Variants in TMEM108 observed in about 807,000 individuals in gnomAD.
TMEM108 encodes the protein transmembrane protein 108, also known as cancer/testis antigen 124.
TMEM108 carries 12 observed loss-of-function variants against 35.1 expected under a neutral mutation model. The observed-to-expected ratio is 0.34, with a 90% CI of 0.22 to 0.55. The LOEUF is 0.55. Ranked by LOEUF, TMEM108 falls within the 20% of genes least tolerant of loss-of-function variation. TMEM108 has a pLI of 0.89. For missense variants in TMEM108, 680 were observed against 753.3 expected (o/e 0.90, Z 1.14); for synonymous variants, 287 against 308.6 (o/e 0.93, Z 0.73).
At chr3:133,365,318 A>G (rs2072473380) in intron 3 of TMEM108, among the ~76,000 whole-genome samples, 1 of 152,212 alleles carries the variant, frequency 6.6e-6, no homozygotes, top group Admixed American at 6.5e-5. Flanking sequence ...GCCAGCTTAT[A>G]TGGGAAATAG....
intron 2 of TMEM108, among the ~76,000 whole-genome samples, chr3:133,146,657 A>C (rs1383618967): frequency 2.6e-5 from 4 of 152,170 alleles, no homozygotes; most frequent in South Asian, 4.1e-4. Flanking sequence ...TTATTGGTCT[A>C]TTCAGGGATT....
intron 3 of TMEM108, among the ~76,000 whole-genome samples, chr3:133,345,262 A>G (rs561977604): frequency 3.3e-5 from 5 of 152,030 alleles, no homozygotes; most frequent in Non-Finnish European, 4.4e-5. Context: ...ATGGATTGCT[A>G]TTAATCCATA....
At chr3:133,190,113 AC>A (rs1350162187) in intron 2 of TMEM108, among the ~76,000 whole-genome samples, 1 of 152,080 alleles carries the variant, frequency 6.6e-6, no homozygotes, top group Non-Finnish European at 1.5e-5. Flanking sequence ...AAATCTCATC[AC>A]CATGGCAACA....
chr3:133,057,138 C>T (rs1010677672), intron 2 of TMEM108, among the ~76,000 whole-genome samples: 1 of 152,122 alleles, frequency 6.6e-6, no homozygotes, highest in East Asian at 1.9e-4. Context: ...CCTCGTCTGT[C>T]AGCTACAAGA....
intron 3 of TMEM108, among the ~76,000 whole-genome samples, chr3:133,280,812 A>C (rs549318821): frequency 6.6e-6 from 1 of 152,336 alleles, no homozygotes; most frequent in East Asian, 1.9e-4. Context: ...CTGGTCTCAG[A>C]TGACCTCATT....
At chr3:133,372,585 T>C (rs1178503884) in intron 3 of TMEM108, among the ~76,000 whole-genome samples, 1 of 152,218 alleles carries the variant, frequency 6.6e-6, no homozygotes, top group Non-Finnish European at 1.5e-5. Context: ...AAGCCCTGTC[T>C]CACATGACTT....
chr3:133,389,158 C>T, intron 4 of TMEM108: 1 of 985,770 alleles, frequency 1.0e-6, no homozygotes, highest in South Asian at 4.7e-5. Context: ...GGACAGGCCA[C>T]CCCACCTCTC....
At chr3:133,352,963 T>C (rs561094633) in intron 3 of TMEM108, among the ~76,000 whole-genome samples, 28 of 152,182 alleles carry the variant, frequency 1.8e-4, no homozygotes, top group Non-Finnish European at 3.8e-4. Flanking sequence ...TTGGTTCCCC[T>C]GGCAACCAGC....
intron 2 of TMEM108, among the ~76,000 whole-genome samples, chr3:133,143,920 A>G (rs1944675311): frequency 7.5e-6 from 1 of 133,680 alleles, no homozygotes; most frequent in Admixed American, 7.3e-5. Flanking sequence ...AGGAAGGCTC[A>G]CTTTTATTTT....
chr3:133,282,335 C>T (rs112901609), intron 3 of TMEM108, among the ~76,000 whole-genome samples: 1 of 152,144 alleles, frequency 6.6e-6, no homozygotes, highest in Non-Finnish European at 1.5e-5. Flanking sequence ...GACTCTAAAA[C>T]GGCTTTACAA....
chr3:133,271,865 G>A (rs1946775713), intron 3 of TMEM108, among the ~76,000 whole-genome samples: 1 of 152,112 alleles, frequency 6.6e-6, no homozygotes, highest in African/African-American at 2.4e-5. Flanking sequence ...TTCAGCCTCT[G>A]TGCTGGGCTT....
intron 2 of TMEM108, among the ~76,000 whole-genome samples, chr3:133,214,918 C>G (rs1356180662): frequency 6.6e-6 from 1 of 152,108 alleles, no homozygotes; most frequent in Non-Finnish European, 1.5e-5. Context: ...GGGACAGTTT[C>G]ATCCCAAAAC....
chr3:133,070,397 T>A (rs746237913), intron 2 of TMEM108, among the ~76,000 whole-genome samples: 1 of 152,172 alleles, frequency 6.6e-6, no homozygotes, highest in Non-Finnish European at 1.5e-5. Flanking sequence ...CTTGCAGGGC[T>A]GTGGTGTACC....
chr3:133,306,430 A>G (rs2071038714), intron 3 of TMEM108, among the ~76,000 whole-genome samples: 2 of 152,212 alleles, frequency 1.3e-5, no homozygotes, highest in South Asian at 4.1e-4. Context: ...GGTATGTTCC[A>G]TAGGTATACA....
chr3:133,151,626 TA>T (rs1559848829), intron 2 of TMEM108, among the ~76,000 whole-genome samples: 2 of 152,080 alleles, frequency 1.3e-5, no homozygotes, highest in Non-Finnish European at 2.9e-5. Flanking sequence ...ATGCTAGAAA[TA>T]AATAATAGTA....
chr3:133,185,778 TC>T (rs1426791848), intron 2 of TMEM108, among the ~76,000 whole-genome samples: 4 of 92,412 alleles, frequency 4.3e-5, no homozygotes, highest in Non-Finnish European at 8.0e-5. Context: ...TCTTTTCTTT[TC>T]TTTTCTTTTT....
At chr3:133,364,325 A>AG (rs1437783147) in intron 3 of TMEM108, among the ~76,000 whole-genome samples, 1 of 152,254 alleles carries the variant, frequency 6.6e-6, no homozygotes, top group Non-Finnish European at 1.5e-5. Context: ...GGCAATGCTT[A>AG]GCTCAGACAG....
At chr3:133,080,713 T>C (rs1279763542) in intron 2 of TMEM108, among the ~76,000 whole-genome samples, 1 of 152,244 alleles carries the variant, frequency 6.6e-6, no homozygotes, top group East Asian at 1.9e-4. Flanking sequence ...CACTTAGTGC[T>C]ACATGCTGAT....
At chr3:133,353,509 G>C (rs1325455414) in intron 3 of TMEM108, among the ~76,000 whole-genome samples, 1 of 152,174 alleles carries the variant, frequency 6.6e-6, no homozygotes, top group Non-Finnish European at 1.5e-5. Context: ...TGAATGCCAG[G>C]AGGGGCCCCA....
Sources: allele counts gnomAD v4.1 joint callset (sites outside exome capture counted in the v4.1 genomes callset), GRCh38; gene constraint gnomAD v4.1.1; transcripts MANE v1.5; gene names NCBI Gene and HGNC (gene_info 2026-07-23, HGNC 2026-07-21).